COL26A1: variants seen among roughly 807,000 people sequenced by gnomAD.
The protein encoded by COL26A1 is collagen type XXVI alpha 1 chain, also known as collagen alpha-1(XXVI) chain.
COL26A1 carries 41 observed loss-of-function variants against 59.3 expected under a neutral mutation model. That is an observed-to-expected ratio of 0.69 (90% CI 0.54 to 0.90). The LOEUF (loss-of-function observed/expected upper bound fraction) is 0.90, where lower values mean the gene tolerates loss of function less well. Ranked by LOEUF, COL26A1 falls within the 40% of genes least tolerant of loss-of-function variation. The pLI is 0.00. For synonymous variants in COL26A1, 266 were observed against 256.0 expected (o/e 1.04, Z -0.37); for missense variants, 612 against 602.3 (o/e 1.02, Z -0.17).
chr7:101,410,676 G>A (rs115259384), intron 1 of COL26A1, among the ~76,000 whole-genome samples: 1,516 of 137,796 alleles, frequency 0.011, 22 homozygotes, highest in African/African-American at 0.036. Context: ...CACCACGCCC[G>A]GCTAATTTTG....
intron 3 of COL26A1, among the ~76,000 whole-genome samples, chr7:101,484,554 G>T (rs955821645): frequency 6.7e-6 from 1 of 150,290 alleles, no homozygotes; most frequent in Non-Finnish European, 1.5e-5. Flanking sequence ...TATTTTTAGT[G>T]GAGACAGGGT....
chr7:101,489,672 C>T (rs4729721), intron 3 of COL26A1, among the ~76,000 whole-genome samples: 2,930 of 27,988 alleles, frequency 0.1, 500 homozygotes, highest in African/African-American at 0.31. Flanking sequence ...TTCCTTCCTT[C>T]CTTCCTTCCT....
At chr7:101,425,334 C>G (rs977328153) in intron 2 of COL26A1, among the ~76,000 whole-genome samples, 1 of 152,002 alleles carries the variant, frequency 6.6e-6, no homozygotes, top group Non-Finnish European at 1.5e-5. Context: ...ATTCCCTGGC[C>G]GAATTGCTCA....
intron 3 of COL26A1, among the ~76,000 whole-genome samples, chr7:101,483,358 C>T (rs1178894669): frequency 4.0e-5 from 6 of 151,132 alleles, no homozygotes; most frequent in Non-Finnish European, 5.9e-5. Flanking sequence ...CCACCGTACT[C>T]GGCTAATTTT....
intron 2 of COL26A1, among the ~76,000 whole-genome samples, chr7:101,442,412 C>T (rs570568017): frequency 2.0e-5 from 3 of 151,862 alleles, no homozygotes; most frequent in Admixed American, 1.3e-4. Context: ...CTGCAACCTC[C>T]GCCTCCCGGG....
chr7:101,502,350 A>G (rs1301687828), intron 3 of COL26A1, among the ~76,000 whole-genome samples: 2 of 151,222 alleles, frequency 1.3e-5, no homozygotes, highest in African/African-American at 2.5e-5. Context: ...TCAAACAACA[A>G]CAACAACAAA....
In COL26A1 at chr7:101,394,564, G is replaced by A. The variant is rs557158010; in HGVS notation, c.159-25413G>A. On this transcript the variant is annotated intron_variant, in intron 1 of 12. Transcript: ENST00000313669. ...TGGGACCACAGGTGTGTACCACCAC[G>A]CCTAGCTATTTTTTTCTTTTCTTTT... is the stretch of plus-strand genomic sequence containing the variant. Among the ~76,000 whole-genome samples, 161 of 150,542 alleles carry A rather than the reference G, an allele frequency of 1.1e-3. 2 individuals are homozygous for A. Among genetic ancestry groups the A allele is most frequent in the South Asian group, 6.4e-3 (30 of 4,716 alleles).
At chr7:101,495,767 C>A (rs1859626) in intron 3 of COL26A1, among the ~76,000 whole-genome samples, 6,853 of 150,478 alleles carry the variant, frequency 0.046, 537 homozygotes, top group African/African-American at 0.16. Flanking sequence ...CACTCTGTGC[C>A]TAGGGCCTTC....
chr7:101,389,009 G>C (rs1791661063), intron 1 of COL26A1: 1 of 303,798 alleles, frequency 3.3e-6, no homozygotes, highest in Non-Finnish European at 6.3e-6. Flanking sequence ...TCCCCTTCTT[G>C]GGCTTTTTAG....
At chr7:101,519,219 T>A (rs1412443839) in intron 3 of COL26A1, among the ~76,000 whole-genome samples, 1 of 152,212 alleles carries the variant, frequency 6.6e-6, no homozygotes, top group Non-Finnish European at 1.5e-5. Flanking sequence ...CTCATGCACC[T>A]TTTTGGGAGC....
chr7:101,529,835 G>A (rs181514970), intron 3 of COL26A1, among the ~76,000 whole-genome samples: 233 of 152,230 alleles, frequency 1.5e-3, no homozygotes, highest in Admixed American at 3.5e-3. Flanking sequence ...ATTGGTGGAC[G>A]CTTAGGTTCC....
chr7:101,489,239 T>G (rs1794333096), intron 3 of COL26A1, among the ~76,000 whole-genome samples: 1 of 152,198 alleles, frequency 6.6e-6, no homozygotes, highest in Non-Finnish European at 1.5e-5. Flanking sequence ...GGAGGAGCTG[T>G]GGTTTAACCC....
At chr7:101,512,657 C>T (rs1794951023) in intron 3 of COL26A1, among the ~76,000 whole-genome samples, 1 of 152,072 alleles carries the variant, frequency 6.6e-6, no homozygotes, top group Admixed American at 6.6e-5. Context: ...CTCTACTTCC[C>T]ACAAATTGGC....
intron 2 of COL26A1, among the ~76,000 whole-genome samples, chr7:101,427,538 T>G (rs1002336533): frequency 2.0e-5 from 3 of 152,100 alleles, no homozygotes; most frequent in Non-Finnish European, 4.4e-5. Flanking sequence ...GGCAGGCACC[T>G]GTAATTCCAG....
intron 3 of COL26A1, among the ~76,000 whole-genome samples, chr7:101,460,565 G>A (rs1200620197): frequency 1.3e-5 from 2 of 151,976 alleles, no homozygotes; most frequent in South Asian, 2.1e-4. Context: ...GGCGGATCAC[G>A]AGGTCAAGAG....
intron 1 of COL26A1, among the ~76,000 whole-genome samples, chr7:101,387,800 C>T (rs1193376576): frequency 1.9e-5 from 2 of 104,384 alleles, no homozygotes; most frequent in African/African-American, 7.5e-5. Context: ...GACAGAGTCT[C>T]ACTGTGTCAC....
chr7:101,510,682 A>AT (rs1217920819), intron 3 of COL26A1, among the ~76,000 whole-genome samples: 1 of 150,658 alleles, frequency 6.6e-6, no homozygotes, highest in Admixed American at 6.6e-5. Context: ...TAATTTTTTA[A>AT]TTTTTTGTAG....
At chr7:101,515,110 G>A (rs2130595373) in intron 3 of COL26A1, among the ~76,000 whole-genome samples, 1 of 152,316 alleles carries the variant, frequency 6.6e-6, no homozygotes, top group Admixed American at 6.5e-5. Flanking sequence ...GGTTGCTCCA[G>A]ACCAGTGTCT....
At position 101,533,157 on chromosome 7, in the gene COL26A1, G is replaced by C; in HGVS notation, c.447+14G>C. 6.3e-7 allele frequency: 1 copy of C among 1,590,614 alleles called. No homozygotes were observed. Among genetic ancestry groups the C allele is most frequent in the Non-Finnish European group, 8.5e-7 (1 of 1,170,086 alleles). On this transcript the variant is annotated intron_variant, in intron 4 of 12. Coordinates refer to ENST00000313669, the MANE Select transcript of COL26A1 (RefSeq NM_001278563.3). ...CTGGAGGCCAAGGTCAGTCGGGCTG[G>C]GGAGTCTGGGCCTGGGGAGCTGCCT...
Sources: gnomAD v4.1 joint callset for allele counts (sites outside exome capture counted in the v4.1 genomes callset) on GRCh38, gnomAD v4.1.1 for gene constraint, MANE v1.5 for transcripts, NCBI Gene and HGNC (gene_info 2026-07-23, HGNC 2026-07-21) for gene names.